Variants in GTF2H1 observed in about 807,000 individuals in gnomAD.
The protein encoded by GTF2H1 is general transcription factor IIH subunit 1.
Under a neutral mutation model 71.2 loss-of-function variants are expected in GTF2H1, and 16 were observed. The observed-to-expected ratio is 0.22, with a 90% CI of 0.15 to 0.34. The LOEUF is 0.34. GTF2H1 is among the 10% of genes least tolerant of loss of function. GTF2H1 has a pLI of 1.00. For synonymous variants in GTF2H1, 215 were observed against 219.0 expected, an observed-to-expected ratio of 0.98 and a Z score of 0.16; for missense variants, 498 against 648.2, an observed-to-expected ratio of 0.77 and a Z score of 2.52.
At chr11:18,323,474 A>C (rs1864616502) in intron 1 of GTF2H1, among the ~76,000 whole-genome samples, 1 of 152,072 alleles carries the variant, frequency 6.6e-6, no homozygotes, top group Non-Finnish European at 1.5e-5. Context: ...CCTAAACTCC[A>C]ATTTTAGCAT....
intron 1 of GTF2H1, among the ~76,000 whole-genome samples, chr11:18,324,690 C>T (rs1428397840): frequency 6.6e-6 from 1 of 152,216 alleles, no homozygotes. Context: ...TTTCTCTTTC[C>T]TGCCTTCAGT....
At chr11:18,340,991 C>T (rs1865144995) in intron 5 of GTF2H1, among the ~76,000 whole-genome samples, 1 of 152,154 alleles carries the variant, frequency 6.6e-6, no homozygotes, top group Admixed American at 6.5e-5. Flanking sequence ...AGCTCTGACT[C>T]CTGAGATTCT....
At chr11:18,346,898 C>A (rs1398061388) in intron 7 of GTF2H1, among the ~76,000 whole-genome samples, 2 of 150,910 alleles carry the variant, frequency 1.3e-5, no homozygotes, top group African/African-American at 4.9e-5. Flanking sequence ...TGCCACCATA[C>A]CTGGCTAATT....
intron 1 of GTF2H1, among the ~76,000 whole-genome samples, chr11:18,328,535 T>C (rs998589717): frequency 7.6e-6 from 1 of 131,630 alleles, no homozygotes; most frequent in Non-Finnish European, 1.6e-5. Context: ...AAAAATTTTA[T>C]GGAATCATGC....
chr11:18,340,381 A>G (rs1865129040), intron 5 of GTF2H1, among the ~76,000 whole-genome samples: 1 of 151,764 alleles, frequency 6.6e-6, no homozygotes, highest in South Asian at 2.1e-4. Flanking sequence ...TCCGCCTCCC[A>G]GGCTCAAGTG....
chr11:18,354,864 A>G (rs1865506332), intron 11 of GTF2H1, among the ~76,000 whole-genome samples: 1 of 151,992 alleles, frequency 6.6e-6, no homozygotes. Context: ...GCTGAAGTGC[A>G]GTGGCATGAT....
intron 1 of GTF2H1, 54 bp from the exon 2 acceptor site, chr11:18,333,006 A>T (rs570898041): frequency 7.9e-7 from 1 of 1,272,192 alleles, no homozygotes; most frequent in East Asian, 2.4e-5. Flanking sequence ...AACAAATTCA[A>T]CCCTAATTGA....
At chr11:18,360,812 T>C (rs968788096) in intron 14 of GTF2H1, 105 bp downstream of exon 14, 23 of 655,032 alleles carry the variant, frequency 3.5e-5, no homozygotes, top group Non-Finnish European at 5.8e-5. Context: ...ATTTTCTTTT[T>C]TTTTTTTTTT....
intron 9 of GTF2H1, among the ~76,000 whole-genome samples, chr11:18,351,282 G>A (rs1013654861): frequency 1.7e-5 from 2 of 116,458 alleles, no homozygotes; most frequent in African/African-American, 3.1e-5. Flanking sequence ...GCAAAGAGGC[G>A]GAATTTTTTT....
At position 18,339,585 on chromosome 11, in the gene GTF2H1, G is replaced by C; in HGVS notation, c.535G>C (p.Asp179His). 6.2e-7 allele frequency: 1 copy of C among 1,613,346 alleles called. No individual in the cohort carries two copies. Among genetic ancestry groups the C allele is most frequent in the Non-Finnish European group, 8.5e-7 (1 of 1,179,290 alleles). Residue 179 changes from aspartate to histidine, a missense_variant, in exon 5 of 15, where the codon GAT (aspartate) becomes CAT (histidine). Transcript: ENST00000265963. The stretch of plus-strand genomic sequence containing the variant: ...TTAGGCTGATGTCCGGCCCCAAACT[G>C]ATGGCTGTAACGGTCTAAGATATAA... ...AFLADVRPQT[D>H]GCNGLRYNLT...
At chr11:18,331,824 T>C (rs181758208) in intron 1 of GTF2H1, among the ~76,000 whole-genome samples, 4 of 152,340 alleles carry the variant, frequency 2.6e-5, no homozygotes, top group African/African-American at 9.6e-5. Context: ...CTCAATTATT[T>C]TGGAGAACTA....
Position 18,357,863 on chromosome 11 carries a change from C to A in GTF2H1, c.1261-89C>A. The stretch of plus-strand genomic sequence containing the variant: ...AACAAAAGGAAAAGCACTTCATTGT[C>A]TGCTCTAAAACTAAAATGTTAAGAA... On this transcript the variant is annotated intron_variant, in intron 11 of 14. Coordinates refer to ENST00000265963, the MANE Select transcript of GTF2H1 (RefSeq NM_005316.4). 11 of 765,016 alleles carry A rather than the reference C, an allele frequency of 1.4e-5. No individual in the cohort carries two copies. In the South Asian group the frequency reaches 1.6e-4, roughly 11 times the overall value. The allele number at this position is 765,016 out of a possible 1,614,324, so 47.4% of individuals were successfully genotyped here.
At chr11:18,343,832 T>A (rs1865221428) in intron 7 of GTF2H1, among the ~76,000 whole-genome samples, 1 of 152,156 alleles carries the variant, frequency 6.6e-6, no homozygotes, top group South Asian at 2.1e-4. Flanking sequence ...GCGAGTCTCC[T>A]TGATTCTTCC....
Position 18,345,592 on chromosome 11 carries a change from G to A in GTF2H1, c.838-1996G>A, listed in dbSNP as rs1013372168. On this transcript the variant is annotated intron_variant, in intron 7 of 14. Transcript: ENST00000265963. ...CAGCTCACTGCAATCTCTGCCTCCCGAGTTCAAGCACTTCTCCTCCCTCAG... is the reference window on the plus strand; with the variant it reads ...CAGCTCACTGCAATCTCTGCCTCCCAAGTTCAAGCACTTCTCCTCCCTCAG... Among the ~76,000 whole-genome samples, 3 of 148,506 alleles carry A rather than the reference G, an allele frequency of 2.0e-5. No homozygotes were observed. The Admixed American group carries it at 2.0e-4, about 10-fold the overall frequency.
At chr11:18,349,040 G>T (rs1028797286) in intron 9 of GTF2H1, among the ~76,000 whole-genome samples, 1 of 151,980 alleles carries the variant, frequency 6.6e-6, no homozygotes, top group Admixed American at 6.6e-5. Context: ...GATTACAGGC[G>T]TGCACCACCA....
chr11:18,333,387 C>T (rs763382683), intron 2 of GTF2H1, 159 bp downstream of exon 2: 5 of 518,566 alleles, frequency 9.6e-6, no homozygotes, highest in Non-Finnish European at 1.0e-5. Context: ...ATAACCTGAC[C>T]TTTTCACTTA....
intron 1 of GTF2H1, among the ~76,000 whole-genome samples, chr11:18,328,020 G>C (rs1190719509): frequency 6.6e-6 from 1 of 151,706 alleles, no homozygotes; most frequent in African/African-American, 2.4e-5. Flanking sequence ...CTGATAACAT[G>C]GTGAAACCCC....
At chr11:18,349,218 C>T (rs1279781975) in intron 9 of GTF2H1, among the ~76,000 whole-genome samples, 3 of 152,140 alleles carry the variant, frequency 2.0e-5, no homozygotes, top group African/African-American at 7.2e-5. Flanking sequence ...AATGTTTTTA[C>T]AGGCATGTAT....
intron 1 of GTF2H1, among the ~76,000 whole-genome samples, chr11:18,323,830 G>A (rs569190743): frequency 6.6e-6 from 1 of 152,294 alleles, no homozygotes; most frequent in East Asian, 1.9e-4. Flanking sequence ...ACTGGACTTA[G>A]GTAATTAAGC....
Sources: allele counts gnomAD v4.1 joint callset (sites outside exome capture counted in the v4.1 genomes callset), GRCh38; gene constraint gnomAD v4.1.1; transcripts MANE v1.5; gene names NCBI Gene and HGNC (gene_info 2026-07-23, HGNC 2026-07-21).